The following HECW1 variants were observed in gnomAD, a reference collection of about 807,000 sequenced individuals.
The protein encoded by HECW1 is E3 ubiquitin-protein ligase HECW1.
HECW1 carries 61 observed loss-of-function variants against 182.3 expected under a neutral mutation model. The observed-to-expected ratio is 0.33, with a 90% CI of 0.27 to 0.41. The LOEUF is 0.41. Among genes scored for constraint, HECW1 ranks in the 10% least tolerant of loss-of-function variants. The pLI is 1.00. For missense variants in HECW1, 1,739 were observed against 2,108.9 expected (o/e 0.82, Z 3.44); for synonymous variants, 859 against 832.6 (o/e 1.03, Z -0.55).
chr7:43,164,091 G>A (rs2152659986), intron 2 of HECW1, among the ~76,000 whole-genome samples: 1 of 152,204 alleles, frequency 6.6e-6, no homozygotes, highest in African/African-American at 2.4e-5. Context: ...GGTGGAGGTA[G>A]TGGGAATGAA....
At chr7:43,364,482 G>A (rs1442102011) in intron 6 of HECW1, among the ~76,000 whole-genome samples, 3 of 152,238 alleles carry the variant, frequency 2.0e-5, no homozygotes, top group Non-Finnish European at 4.4e-5. Flanking sequence ...AAAGTCTCCA[G>A]TACTGGAGCG....
chr7:43,444,142 A>T lies in HECW1; in HGVS notation c.1046-76A>T. 7.1e-7 allele frequency: 1 copy of T among 1,410,672 alleles called. No individual in the cohort carries two copies. The highest frequency in any genetic ancestry group is 1.4e-5 in the South Asian group (1 of 73,100). The allele number at this position is 1,410,672 out of a possible 1,614,324, so 87.4% of individuals were successfully genotyped here. Reference sequence around the variant, plus strand: ...TGTAGAAATCCCTTAGTGATGGCTTACATGTCCCACAGGGTATCCTAACAC... The same window carrying T: ...TGTAGAAATCCCTTAGTGATGGCTTTCATGTCCCACAGGGTATCCTAACAC... On this transcript the variant is annotated intron_variant, in intron 10 of 29. Transcript: ENST00000395891. This position sits in a 1 kb window ranked among gnomAD's most constrained non-coding sequence, Gnocchi z 4.3.
intron 6 of HECW1, among the ~76,000 whole-genome samples, chr7:43,376,743 G>A (rs1381854596): frequency 1.3e-5 from 2 of 152,036 alleles, no homozygotes; most frequent in Non-Finnish European, 2.9e-5. Flanking sequence ...GCAGGCGTCT[G>A]TAATCCCAGC....
At chr7:43,271,616 G>T (rs1802416865) in intron 3 of HECW1, among the ~76,000 whole-genome samples, 1 of 152,072 alleles carries the variant, frequency 6.6e-6, no homozygotes, top group African/African-American at 2.4e-5. Flanking sequence ...TTAAAAAATT[G>T]AGATATCTAG....
chr7:43,276,672 T>C (rs1404442060), intron 3 of HECW1, among the ~76,000 whole-genome samples: 2 of 152,200 alleles, frequency 1.3e-5, no homozygotes, highest in Non-Finnish European at 2.9e-5. Context: ...GCCAATGCAG[T>C]CTTCCCTGTC....
intron 12 of HECW1, among the ~76,000 whole-genome samples, chr7:43,456,096 G>C (rs905974535): frequency 6.6e-6 from 1 of 152,180 alleles, no homozygotes; most frequent in Non-Finnish European, 1.5e-5. Flanking sequence ...GAGAGTCTAA[G>C]TTCATTAAAT....
chr7:43,447,063 G>C (rs1263383231), intron 11 of HECW1, among the ~76,000 whole-genome samples: 1 of 152,182 alleles, frequency 6.6e-6, no homozygotes, highest in East Asian at 1.9e-4. Context: ...AGGGATGTTG[G>C]GTTACAGAGG....
chr7:43,274,176 A>G (rs1391146273), intron 3 of HECW1: 1 of 459,938 alleles, frequency 2.2e-6, no homozygotes, highest in Non-Finnish European at 3.8e-6. Flanking sequence ...CCTCGGGTGC[A>G]CTAAAAGAGT....
intron 9 of HECW1, among the ~76,000 whole-genome samples, chr7:43,441,459 C>CATCT (rs2076884468): frequency 6.6e-6 from 1 of 152,208 alleles, no homozygotes; most frequent in African/African-American, 2.4e-5. Context: ...ACAAGATATG[C>CATCT]ATCTGCTGGC....
At chr7:43,247,775 G>A (rs1799538638) in intron 3 of HECW1, among the ~76,000 whole-genome samples, 1 of 126,454 alleles carries the variant, frequency 7.9e-6, no homozygotes, top group Admixed American at 7.5e-5. Flanking sequence ...GAGGAAAAAA[G>A]AGAGAGAAAA....
At chr7:43,346,678 A>T (rs1813720294) in intron 5 of HECW1, among the ~76,000 whole-genome samples, 1 of 152,146 alleles carries the variant, frequency 6.6e-6, no homozygotes, top group Non-Finnish European at 1.5e-5. Context: ...ATAAGGTGAG[A>T]TGTGAGGATC....
chr7:43,404,778 C>T (rs1282380988), intron 7 of HECW1, among the ~76,000 whole-genome samples: 1 of 152,070 alleles, frequency 6.6e-6, no homozygotes, highest in Non-Finnish European at 1.5e-5. Context: ...GAGTTTAAGA[C>T]CAGCTGGCCA....
intron 17 of HECW1, among the ~76,000 whole-genome samples, chr7:43,487,866 G>A (rs2152914789): frequency 1.3e-5 from 2 of 152,058 alleles, no homozygotes; most frequent in East Asian, 3.9e-4. Flanking sequence ...GGCTGAGGCA[G>A]GAAGATTGCT....
chr7:43,126,973 A>G (rs932062752), intron 2 of HECW1, among the ~76,000 whole-genome samples: 3 of 152,182 alleles, frequency 2.0e-5, no homozygotes, highest in African/African-American at 7.2e-5. Flanking sequence ...TCCCTGAGAC[A>G]CAACAATATG....
chr7:43,485,710 A>C (rs1355755012), intron 17 of HECW1, among the ~76,000 whole-genome samples: 1 of 152,202 alleles, frequency 6.6e-6, no homozygotes, highest in African/African-American at 2.4e-5. Flanking sequence ...AGATTTAAAA[A>C]ATAGTACACC....
At chr7:43,161,215 G>A (rs1026914497) in intron 2 of HECW1, among the ~76,000 whole-genome samples, 3 of 151,894 alleles carry the variant, frequency 2.0e-5, no homozygotes, top group Non-Finnish European at 2.9e-5. Flanking sequence ...GTTGCCCATT[G>A]GTTTCTATGA....
chr7:43,406,265 C>T (rs1434192866), intron 7 of HECW1, among the ~76,000 whole-genome samples: 4 of 152,138 alleles, frequency 2.6e-5, no homozygotes, highest in Non-Finnish European at 5.9e-5. Context: ...TAATAAAACT[C>T]CTTTTACCGA....
intron 24 of HECW1, among the ~76,000 whole-genome samples, chr7:43,539,418 T>A (rs769296326): frequency 6.6e-6 from 1 of 152,250 alleles, no homozygotes; most frequent in Non-Finnish European, 1.5e-5. Context: ...GATAGTCCTT[T>A]CTCCTCAAAG....
intron 8 of HECW1, among the ~76,000 whole-genome samples, chr7:43,417,337 A>T (rs1309286959): frequency 6.6e-6 from 1 of 152,180 alleles, no homozygotes; most frequent in Non-Finnish European, 1.5e-5. Flanking sequence ...GGCATGAGCC[A>T]CCACACCTGG....
Sources: gnomAD v4.1 joint callset for allele counts (sites outside exome capture counted in the v4.1 genomes callset) on GRCh38, gnomAD v4.1.1 for gene constraint, Gnocchi (gnomAD v3.1) non-coding constraint, MANE v1.5 for transcripts, NCBI Gene and HGNC (gene_info 2026-07-23, HGNC 2026-07-21) for gene names.